Variants in ADGRD1 observed in about 807,000 individuals in gnomAD.
ADGRD1 encodes the protein adhesion G protein-coupled receptor D1.
In ADGRD1, 77 loss-of-function variants were observed where a neutral mutation model predicts 113.4. The ratio of observed to expected loss-of-function variants is 0.68; its 90% confidence interval spans 0.57 to 0.82. The LOEUF (loss-of-function observed/expected upper bound fraction) is 0.82, where lower values mean the gene tolerates loss of function less well. Among genes scored for constraint, ADGRD1 ranks in the 40% least tolerant of loss-of-function variants. The pLI is 0.00. For synonymous variants in ADGRD1, 474 were observed against 475.0 expected (o/e 1.00, Z 0.03); for missense variants, 1,036 against 1,139.1 (o/e 0.91, Z 1.30).
chr12:131,009,088 G>A (rs997516371), intron 12 of ADGRD1, among the ~76,000 whole-genome samples: 3 of 152,220 alleles, frequency 2.0e-5, no homozygotes, highest in Non-Finnish European at 2.9e-5. Context: ...GTACCAGGTC[G>A]GAGGGTGCCT....
At chr12:131,121,976 G>A (rs1950607114) in intron 20 of ADGRD1, 1 of 152,566 alleles carries the variant, frequency 6.6e-6, no homozygotes, top group Non-Finnish European at 1.5e-5. Context: ...GTTAGCACCG[G>A]TGGACACCAG....
At chr12:130,980,836 G>T (rs1485045303) in intron 4 of ADGRD1, 2 of 152,228 alleles carry the variant, frequency 1.3e-5, no homozygotes, top group Admixed American at 6.5e-5. Context: ...ATAATTTACT[G>T]TAATATACTG....
At chr12:131,126,124 C>T (rs1950732926) in intron 20 of ADGRD1, among the ~76,000 whole-genome samples, 1 of 152,210 alleles carries the variant, frequency 6.6e-6, no homozygotes, top group African/African-American at 2.4e-5. Context: ...GTTCATGTAA[C>T]TTAATTTCCA....
At chr12:131,009,600 CG>C (rs1420733642) in intron 12 of ADGRD1, among the ~76,000 whole-genome samples, 2 of 152,134 alleles carry the variant, frequency 1.3e-5, no homozygotes, top group African/African-American at 4.8e-5. Flanking sequence ...TGCAACACAC[CG>C]CTAGTGCTTC....
Position 130,966,703 on chromosome 12 carries a change from G to A in ADGRD1, c.187+157G>A. 1 of 626,900 alleles carries A rather than the reference G, an allele frequency of 1.6e-6. No individual in the cohort carries two copies. Among genetic ancestry groups the A allele is most frequent in the Non-Finnish European group, 2.9e-6 (1 of 346,714 alleles). The allele number at this position is 626,900 out of a possible 1,614,324, so 38.8% of individuals were successfully genotyped here. ...GGCCGGGGAATCCCAGGGCCATCGGGGAGCAGATGTGGACACAATCTGCTT... is the reference window on the plus strand; with the variant it reads ...GGCCGGGGAATCCCAGGGCCATCGGAGAGCAGATGTGGACACAATCTGCTT... On this transcript the variant is annotated intron_variant, in intron 3 of 24. Transcript: ENST00000261654. This position sits in a 1 kb window ranked among gnomAD's most constrained non-coding sequence, Gnocchi z 4.6.
At chr12:131,103,722 C>A (rs1950153739) in intron 15 of ADGRD1, among the ~76,000 whole-genome samples, 1 of 152,240 alleles carries the variant, frequency 6.6e-6, no homozygotes, top group Admixed American at 6.5e-5. Context: ...TACCCGCATG[C>A]CACAGGAGGA....
chr12:131,002,419 A>G (rs531778201), intron 9 of ADGRD1: 20 of 708,928 alleles, frequency 2.8e-5, no homozygotes, highest in Middle Eastern at 7.0e-4. Context: ...TCAGCATTCT[A>G]TTTCCAGCTC....
chr12:131,078,753 C>G (rs992070717), intron 14 of ADGRD1, among the ~76,000 whole-genome samples: 1 of 152,034 alleles, frequency 6.6e-6, no homozygotes, highest in Non-Finnish European at 1.5e-5. Context: ...GTTAACGAAC[C>G]CTCCACCTCC....
In ADGRD1 at chr12:131,139,271, G is replaced by A; in HGVS notation, c.*8G>A. The A allele has an allele frequency of 6.2e-7, 1 of 1,604,526 alleles. No individual in the cohort carries two copies. Among genetic ancestry groups the A allele is most frequent in the Non-Finnish European group, 8.5e-7 (1 of 1,173,858 alleles). ...GACCTGTCAGCCGTGTGAGCCGGGA[G>A]GCTGCCAACCAGGCCAGGCTGCGCT... On this transcript the variant is annotated 3_prime_UTR_variant, in exon 25 of 25. Coordinates refer to ENST00000261654, the MANE Select transcript of ADGRD1 (RefSeq NM_198827.5).
chr12:131,097,598 T>A (rs1887382011), intron 15 of ADGRD1, among the ~76,000 whole-genome samples: 2 of 151,666 alleles, frequency 1.3e-5, no homozygotes, highest in Admixed American at 6.6e-5. Context: ...ATGCCTGGAG[T>A]CACAGATCCG....
At chr12:130,992,490 C>A in intron 8 of ADGRD1, 98 bp downstream of exon 8, 1 of 1,120,358 alleles carries the variant, frequency 8.9e-7, no homozygotes, top group Non-Finnish European at 1.3e-6. Flanking sequence ...TTAAAAAAAG[C>A]AGGAACTTTT....
In ADGRD1 at chr12:131,050,578, G is replaced by A. The variant is rs1475501677; in HGVS notation, c.1474-26223G>A. Among the ~76,000 whole-genome samples, 1 of 152,084 alleles carries A rather than the reference G, an allele frequency of 6.6e-6. No individual in the cohort carries two copies. The highest frequency in any genetic ancestry group is 2.4e-5 in the African/African-American group (1 of 41,420). ...GCAGAAGGTGGAGGGAACCAGGCAC[G>A]TCTTACATGGGCAGATCAAGAGAGG... On this transcript the variant is annotated intron_variant, in intron 13 of 24. Transcript: ENST00000261654. This position sits in a 1 kb window ranked among gnomAD's most constrained non-coding sequence, Gnocchi z 4.8.
intron 21 of ADGRD1, among the ~76,000 whole-genome samples, chr12:131,134,285 C>A (rs907687728): frequency 1.3e-5 from 2 of 152,182 alleles, no homozygotes; most frequent in Non-Finnish European, 2.9e-5. Context: ...GGAAAGCACA[C>A]CCCCTGCCTA....
At position 131,003,346 on chromosome 12, in the gene ADGRD1, G is replaced by A. The variant is rs754191350; in HGVS notation, c.1144+44G>A. 1 of 1,322,564 alleles carries A rather than the reference G, an allele frequency of 7.6e-7. No homozygotes were observed. Among genetic ancestry groups the A allele is most frequent in the Admixed American group, 1.7e-5 (1 of 59,664 alleles). 81.9% of individuals were successfully genotyped at this position (1,322,564 alleles called of 1,614,324 possible). On this transcript the variant is annotated intron_variant, in intron 10 of 24. Coordinates refer to ENST00000261654, the MANE Select transcript of ADGRD1 (RefSeq NM_198827.5). The surrounding 1 kb of genome is among the most constrained non-coding windows in gnomAD (Gnocchi z 4.8). ...GGTGAGCCACATGGCAGGGGCGGGG[G>A]CTGGAGGCTGCGTTTCACTGCCTGT...
rs1023443257 is a variant in ADGRD1 at position 131,141,206 on chromosome 12, C to T, written c.*1943C>T. On this transcript the variant is annotated 3_prime_UTR_variant, in exon 25 of 25. Transcript: ENST00000261654. ...ATTTGTTTTTAATTGTTGCCGTATT[C>T]ATCTATATAGCTAATATTTCAAGAT... The T allele has an allele frequency of 6.6e-6, 1 of 152,206 alleles. No individual in the cohort carries two copies. 9.4% of individuals were successfully genotyped at this position (152,206 alleles called of 1,614,324 possible). A position where few individuals can be genotyped will look rare whatever the true frequency, so the allele number is the denominator to read the frequency against.
At chr12:131,097,712 G>T (rs1191865385) in intron 15 of ADGRD1, among the ~76,000 whole-genome samples, 10 of 152,228 alleles carry the variant, frequency 6.6e-5, no homozygotes, top group Non-Finnish European at 1.3e-4. Flanking sequence ...TGAGAGCCTG[G>T]ATGCCAGCCG....
chr12:131,059,920 G>A (rs1593139949), intron 13 of ADGRD1, among the ~76,000 whole-genome samples: 2 of 152,186 alleles, frequency 1.3e-5, no homozygotes, highest in East Asian at 3.9e-4. Flanking sequence ...GATTTTTCCG[G>A]TTCTCGGTAT....
At chr12:131,058,753 G>C (rs553553570) in intron 13 of ADGRD1, among the ~76,000 whole-genome samples, 1 of 152,310 alleles carries the variant, frequency 6.6e-6, no homozygotes, top group South Asian at 2.1e-4. Context: ...TGGCCTTGTA[G>C]GTGAGATGTC....
At chr12:130,987,521 A>G (rs1593300631) in intron 6 of ADGRD1, 172 bp downstream of exon 6, 1 of 652,204 alleles carries the variant, frequency 1.5e-6, no homozygotes, top group Non-Finnish European at 2.6e-6. Context: ...GTTCCCTGAG[A>G]TAGAGGAGTT....
Sources: gnomAD v4.1 joint callset for allele counts (sites outside exome capture counted in the v4.1 genomes callset) on GRCh38, gnomAD v4.1.1 for gene constraint, Gnocchi (gnomAD v3.1) non-coding constraint, MANE v1.5 for transcripts, NCBI Gene and HGNC (gene_info 2026-07-23, HGNC 2026-07-21) for gene names.